Variants in DRC11 observed in about 807,000 individuals in gnomAD.
DRC11 encodes the protein dynein regulatory complex subunit 11.
chr2:236,397,386 G>A, the DRC11 span, among the ~76,000 whole-genome samples: 20 of 152,252 alleles, frequency 1.3e-4, no homozygotes, highest in African/African-American at 4.8e-4. The surrounding 1 kb of genome is among the most constrained non-coding windows in gnomAD (Gnocchi z 5.0). Context: ...TGTAAGTGAA[G>A]GACAGCTTTC....
chr2:236,479,114 T>C, the DRC11 span, among the ~76,000 whole-genome samples: 5 of 152,180 alleles, frequency 3.3e-5, no homozygotes, highest in African/African-American at 9.6e-5. This position sits in a 1 kb window ranked among gnomAD's most constrained non-coding sequence, Gnocchi z 4.1. Flanking sequence ...CGTGAGCCAC[T>C]GCACCTGGCC....
chr2:236,497,105 T>C, the DRC11 span: 1 of 1,264,168 alleles, frequency 7.9e-7, no homozygotes, highest in Non-Finnish European at 1.1e-6. This position sits in a 1 kb window ranked among gnomAD's most constrained non-coding sequence, Gnocchi z 5.1. Flanking sequence ...AGATATCGGG[T>C]ACATATCTTA....
chr2:236,324,577 C>T, the DRC11 span: 4 of 676,078 alleles, frequency 5.9e-6, no homozygotes, highest in Admixed American at 2.4e-5. The surrounding 1 kb of genome is among the most constrained non-coding windows in gnomAD (Gnocchi z 5.7). Flanking sequence ...TTCAGGCGGG[C>T]AATGGTGAAT....
At chr2:236,354,590 T>C in the DRC11 span, among the ~76,000 whole-genome samples, 1 of 152,140 alleles carries the variant, frequency 6.6e-6, no homozygotes, top group African/African-American at 2.4e-5. Flanking sequence ...AAAGCCATTC[T>C]CAACTTCCCA....
the DRC11 span, chr2:236,391,881 G>A: frequency 1.0e-6 from 1 of 982,212 alleles, no homozygotes; most frequent in Non-Finnish European, 1.6e-6. This position sits in a 1 kb window ranked among gnomAD's most constrained non-coding sequence, Gnocchi z 4.5. Flanking sequence ...CTGGCAACAG[G>A]CGGCCCTCCT....
chr2:236,416,366 G>A, the DRC11 span, among the ~76,000 whole-genome samples: 1 of 152,048 alleles, frequency 6.6e-6, no homozygotes, highest in Non-Finnish European at 1.5e-5. Flanking sequence ...AATTCCTGGG[G>A]TGGGATTTAG....
chr2:236,366,901 C>G, the DRC11 span, among the ~76,000 whole-genome samples: 1 of 151,512 alleles, frequency 6.6e-6, no homozygotes, highest in Non-Finnish European at 1.5e-5. Flanking sequence ...TGGCGTGATC[C>G]CGGGTTCCAG....
the DRC11 span, among the ~76,000 whole-genome samples, chr2:236,313,824 G>A: frequency 1.2e-4 from 18 of 151,886 alleles, no homozygotes; most frequent in Admixed American, 1.1e-3. The surrounding 1 kb of genome is among the most constrained non-coding windows in gnomAD (Gnocchi z 4.5). Flanking sequence ...GGTATTGAAC[G>A]TTTATTCCAT....
the DRC11 span, among the ~76,000 whole-genome samples, chr2:236,383,232 T>A: frequency 2.0e-5 from 3 of 152,192 alleles, no homozygotes; most frequent in Non-Finnish European, 4.4e-5. Flanking sequence ...TCCAACTTAT[T>A]AGCATATAAT....
the DRC11 span, among the ~76,000 whole-genome samples, chr2:236,361,671 C>A: frequency 6.6e-6 from 1 of 151,488 alleles, no homozygotes; most frequent in African/African-American, 2.4e-5. This position sits in a 1 kb window ranked among gnomAD's most constrained non-coding sequence, Gnocchi z 5.7. Flanking sequence ...TAAAAAGAGA[C>A]CAAAAAGAAG....
At chr2:236,404,321 C>T in the DRC11 span, among the ~76,000 whole-genome samples, 1 of 152,058 alleles carries the variant, frequency 6.6e-6, no homozygotes, top group Admixed American at 6.5e-5. Context: ...CTAAAACCAC[C>T]CCAGGCAGCT....
chr2:236,321,910 A>G, the DRC11 span, among the ~76,000 whole-genome samples: 2 of 152,158 alleles, frequency 1.3e-5, no homozygotes, highest in African/African-American at 4.8e-5. Flanking sequence ...CCCCAGTAAA[A>G]CAATGGACCC....
the DRC11 span, among the ~76,000 whole-genome samples, chr2:236,428,655 G>A: frequency 6.6e-6 from 1 of 151,964 alleles, no homozygotes; most frequent in Non-Finnish European, 1.5e-5. Flanking sequence ...CTTGTATGCA[G>A]CATATAGTTG....
chr2:236,441,798 G>A, the DRC11 span, among the ~76,000 whole-genome samples: 1 of 152,138 alleles, frequency 6.6e-6, no homozygotes, highest in Admixed American at 6.5e-5. Flanking sequence ...GAGGTTTAGA[G>A]GTGACCACCA....
At chr2:236,486,808 T>C in the DRC11 span, 2 of 1,535,132 alleles carry the variant, frequency 1.3e-6, no homozygotes, top group South Asian at 2.3e-5. The surrounding 1 kb of genome is among the most constrained non-coding windows in gnomAD (Gnocchi z 5.7). Flanking sequence ...AACCAGATGC[T>C]ATCTCTTAAA....
the DRC11 span, among the ~76,000 whole-genome samples, chr2:236,404,849 G>A: frequency 6.6e-6 from 1 of 152,164 alleles, no homozygotes; most frequent in Non-Finnish European, 1.5e-5. Flanking sequence ...ATTTTTCACA[G>A]TTCCGGAAAC....
the DRC11 span, chr2:236,503,507 C>A: frequency 9.1e-6 from 9 of 991,048 alleles, no homozygotes; most frequent in Admixed American, 1.4e-4. This position sits in a 1 kb window ranked among gnomAD's most constrained non-coding sequence, Gnocchi z 4.9. Flanking sequence ...CCGGGTCCTG[C>A]CATTTCTTTC....
the DRC11 span, among the ~76,000 whole-genome samples, chr2:236,435,357 C>T: frequency 7.2e-5 from 11 of 152,258 alleles, no homozygotes; most frequent in African/African-American, 2.7e-4. Context: ...GGCCGGCCGC[C>T]TGCCCATTTT....
chr2:236,380,299 A>C, the DRC11 span, among the ~76,000 whole-genome samples: 1 of 152,162 alleles, frequency 6.6e-6, no homozygotes, highest in South Asian at 2.1e-4. The surrounding 1 kb of genome is among the most constrained non-coding windows in gnomAD (Gnocchi z 4.9). Context: ...TTATTTCTTA[A>C]ACAAAAAACT....
Sources: gnomAD v4.1 joint callset for allele counts (sites outside exome capture counted in the v4.1 genomes callset) on GRCh38, gnomAD v4.1.1 for gene constraint, Gnocchi (gnomAD v3.1) non-coding constraint, MANE v1.5 for transcripts, NCBI Gene and HGNC (gene_info 2026-07-23, HGNC 2026-07-21) for gene names.